The following USP43 variants were observed in gnomAD, a reference collection of about 807,000 sequenced individuals.
USP43 encodes ubiquitin carboxyl-terminal hydrolase 43.
Under a neutral mutation model 90.7 loss-of-function variants are expected in USP43, and 33 were observed. That is an observed-to-expected ratio of 0.36 (90% CI 0.28 to 0.49). USP43 has a LOEUF of 0.49. USP43 is among the 20% of genes least tolerant of loss of function. USP43 has a pLI of 0.98. For missense variants in USP43, 1,274 were observed against 1,476.4 expected (o/e 0.86, Z 2.25); for synonymous variants, 598 against 615.8 (o/e 0.97, Z 0.43).
chr17:9,673,815 T>C (rs1913596931), intron 3 of USP43, among the ~76,000 whole-genome samples: 1 of 152,186 alleles, frequency 6.6e-6, no homozygotes, highest in African/African-American at 2.4e-5. Flanking sequence ...GTAAATGGGT[T>C]CATCTATGCT....
In USP43 at chr17:9,674,963, T is replaced by C. The variant is rs560104715; in HGVS notation, c.813T>C (p.Pro271=). ...ATCCTTTCCTGTGTGTGTCCCTACCTATCCCCTTGCGCCAGACGAGGTACG... is the reference window on the plus strand; with the variant it reads ...ATCCTTTCCTGTGTGTGTCCCTACCCATCCCCTTGCGCCAGACGAGGTACG... ...TFDPFLCVSL[P]IPLRQTRFLS... is the part of the protein sequence containing the mutation. The change falls in exon 4 of 15, where the codon CCT becomes CCC. Residue 271 remains proline (P), a synonymous_variant. Coordinates refer to ENST00000285199, the MANE Select transcript of USP43 (RefSeq NM_153210.5). The surrounding 1 kb of genome is among the most constrained non-coding windows in gnomAD (Gnocchi z 4.4). 103 of 1,614,054 alleles carry C rather than the reference T, an allele frequency of 6.4e-5. No individual in the cohort carries two copies. The East Asian group carries it at 1.9e-3, about 30-fold the overall frequency.
chr17:9,666,867 A>T, intron 3 of USP43, 116 bp downstream of exon 3: 2 of 765,838 alleles, frequency 2.6e-6, no homozygotes, highest in Non-Finnish European at 4.5e-6. Context: ...AAAACCACAA[A>T]CACCCTTCTC....
chr17:9,719,655 C>T (rs1916817228), intron 14 of USP43, among the ~76,000 whole-genome samples: 1 of 152,220 alleles, frequency 6.6e-6, no homozygotes, highest in African/African-American at 2.4e-5. Context: ...ATTAGAGTCG[C>T]TTTCACATGG....
rs1206152299 is a variant in USP43, at chr17:9,676,774, T to G, written c.862T>G (p.Ser288Ala). Residue 288 changes from serine to alanine, a missense_variant, in exon 5 of 15, where the codon TCT becomes GCT. Physicochemically the swap from Ser to Ala is moderately conservative, Grantham distance 99 (BLOSUM62 1). Coordinates refer to ENST00000285199, the MANE Select transcript of USP43 (RefSeq NM_153210.5). The stretch of plus-strand genomic sequence containing the variant: ...CTTGAGTGTCACCTTGGTCTTCCCC[T>G]CTAAGAGCCAGCGGTTCCTGCGGGT... The part of the protein sequence containing the change: ...RFLSVTLVFP[S>A]KSQRFLRVGL... 1.9e-6 allele frequency: 3 copies of G among 1,613,908 alleles called. No individual in the cohort carries two copies. The highest frequency in any genetic ancestry group is 3.3e-5 in the Admixed American group (2 of 60,014).
At chr17:9,653,966 G>A (rs955870931) in intron 1 of USP43, among the ~76,000 whole-genome samples, 2 of 152,150 alleles carry the variant, frequency 1.3e-5, no homozygotes, top group Non-Finnish European at 2.9e-5. Flanking sequence ...TTGGGAACCA[G>A]CATCCAGAAT....
chr17:9,680,401 A>G (rs1914087812), intron 6 of USP43, 35 bp downstream of exon 6: 1 of 1,610,762 alleles, frequency 6.2e-7, no homozygotes, highest in African/African-American at 1.3e-5. Context: ...TTATTTGGCT[A>G]TGATGAGTTA....
Position 9,709,252 on chromosome 17 carries a change from T to C in USP43, c.2012-704T>C, listed in dbSNP as rs1052529694. On this transcript the variant is annotated intron_variant, in intron 12 of 14. Coordinates refer to ENST00000285199, the MANE Select transcript of USP43 (RefSeq NM_153210.5). The surrounding 1 kb of genome is among the most constrained non-coding windows in gnomAD (Gnocchi z 5.0). ...AGAAAGAGGTATGCCATAAGCCCAA[T>C]TGTGATTCTCATCTTCACTTTTATT... 1.3e-5 allele frequency among the ~76,000 whole-genome samples: 2 copies of C among 152,222 alleles called. No homozygotes were observed. The highest frequency in any genetic ancestry group is 2.9e-5 in the Non-Finnish European group (2 of 68,040).
At position 9,681,463 on chromosome 17, in the gene USP43, T is replaced by A. The variant is rs867680371; in HGVS notation, c.1105+1097T>A. 6.2e-3 allele frequency among the ~76,000 whole-genome samples: 120 copies of A among 19,450 alleles called. 5 individuals are homozygous for A. Among genetic ancestry groups the A allele is most frequent in the Non-Finnish European group, 0.022 (41 of 1,904 alleles). 12.8% of individuals were successfully genotyped at this position (19,450 alleles called of 152,430 possible). Reference sequence around the variant, plus strand: ...ATAGATAAATATATATAAAATATATTATATATATATATATATATATATATA... The same window carrying A: ...ATAGATAAATATATATAAAATATATAATATATATATATATATATATATATA... On this transcript the variant is annotated intron_variant, in intron 6 of 14. Transcript: ENST00000285199.
Position 9,682,850 on chromosome 17 carries a change from C to T in USP43, c.1133C>T (p.Pro378Leu). The T allele has an allele frequency of 1.2e-6, 2 of 1,614,016 alleles. No individual in the cohort carries two copies. Among genetic ancestry groups the T allele is most frequent in the Non-Finnish European group, 1.7e-6 (2 of 1,179,880 alleles). Residue 378 changes from proline to leucine, a missense_variant, in exon 7 of 15, where the codon CCA becomes CTA. By Grantham distance (98) the Pro-to-Leu change is moderately conservative. Coordinates refer to ENST00000285199, the MANE Select transcript of USP43 (RefSeq NM_153210.5). ...CATCCACTGGGTCTGTCGGCCTCCC[C>T]ACGCCTGGCAGCCCGTGAGGGCCAG... ...SAHPLGLSAS[P>L]RLAAREGQRF...
intron 2 of USP43, among the ~76,000 whole-genome samples, chr17:9,665,910 C>G (rs1913007689): frequency 6.6e-6 from 1 of 152,166 alleles, no homozygotes; most frequent in Non-Finnish European, 1.5e-5. Flanking sequence ...AGTCAAGGAA[C>G]AGACTCTCAT....
At chr17:9,653,894 C>G (rs1350225049) in intron 1 of USP43, among the ~76,000 whole-genome samples, 1 of 152,112 alleles carries the variant, frequency 6.6e-6, no homozygotes, top group South Asian at 2.1e-4. Context: ...TTGTCTGGGT[C>G]AGCTGTAGGT....
At chr17:9,724,860 T>C (rs1009129401) in intron 14 of USP43, among the ~76,000 whole-genome samples, 3 of 151,998 alleles carry the variant, frequency 2.0e-5, no homozygotes, top group Non-Finnish European at 2.9e-5. Context: ...AGCGGGTAGA[T>C]GTATGAAGCA....
chr17:9,682,633 T>A (rs1914359536), intron 6 of USP43, among the ~76,000 whole-genome samples, 190 bp from the exon 7 acceptor site: 1 of 152,148 alleles, frequency 6.6e-6, no homozygotes, highest in African/African-American at 2.4e-5. Context: ...ATTCTTGATG[T>A]TCGTATGCCA....
rs1180926957 is a variant in USP43, at chr17:9,680,211, A to C, written c.970-20A>C. 8.7e-6 allele frequency: 14 copies of C among 1,608,872 alleles called. No homozygotes were observed. The highest frequency in any genetic ancestry group is 1.3e-5 in the African/African-American group (1 of 74,840). The stretch of plus-strand genomic sequence containing the variant: ...TTCTCTTTCAGAAATCAAGAGGGAA[A>C]ATGATCTTTCTCATTTCAGGTGATC... On this transcript the variant is annotated intron_variant, in intron 5 of 14. Transcript: ENST00000285199.
chr17:9,676,937 C>T (rs1245900953), intron 5 of USP43, 56 bp downstream of exon 5: 7 of 1,586,258 alleles, frequency 4.4e-6, no homozygotes, highest in Non-Finnish European at 5.2e-6. Context: ...CTAACTGAGC[C>T]AGCTGTCTAG....
chr17:9,729,519 A>G lies in USP43; in HGVS notation c.*529A>G, dbSNP rs908235214. 1.3e-5 allele frequency: 2 copies of G among 151,774 alleles called. No individual in the cohort carries two copies. Among genetic ancestry groups the G allele is most frequent in the South Asian group, 2.1e-4 (1 of 4,824 alleles). 9.4% of individuals were successfully genotyped at this position (151,774 alleles called of 1,614,324 possible). ...TAAGGCAAGATTCTAGCAAAGAGAG[A>G]TGGGAGATAAATGGCTGAGAGTTCA... is the stretch of plus-strand genomic sequence containing the variant. On this transcript the variant is annotated 3_prime_UTR_variant, in exon 15 of 15. Coordinates refer to ENST00000285199, the MANE Select transcript of USP43 (RefSeq NM_153210.5).
In USP43 at chr17:9,681,462, T is replaced by TTTTATATATA. The variant is rs1491455898; in HGVS notation, c.1105+1097_1105+1098insTTATATATAT. Among the ~76,000 whole-genome samples, 137 of 18,572 alleles carry TTTTATATATA rather than the reference T, an allele frequency of 7.4e-3. 4 individuals are homozygous for TTTTATATATA. The highest frequency in any genetic ancestry group is 0.024 in the African/African-American group (90 of 3,822). The allele number at this position is 18,572 out of a possible 152,430, so 12.2% of individuals were successfully genotyped here. A position where few individuals can be genotyped will look rare whatever the true frequency, so the allele number is the denominator to read the frequency against. On this transcript the variant is annotated intron_variant, in intron 6 of 14. Transcript: ENST00000285199. ...TATAGATAAATATATATAAAATATA[T>TTTTATATATA]TATATATATATATATATATATATAT...
At chr17:9,716,019 G>A (rs1300498475) in intron 14 of USP43, among the ~76,000 whole-genome samples, 1 of 151,372 alleles carries the variant, frequency 6.6e-6, no homozygotes, top group Admixed American at 6.6e-5. Context: ...GTGTGTGTAT[G>A]TGTCTGTGTA....
In USP43 at chr17:9,728,863, G is replaced by T. The variant is rs1917428034; in HGVS notation, c.3245G>T (p.Gly1082Val). 7 of 1,613,988 alleles carry T rather than the reference G, an allele frequency of 4.3e-6. No homozygotes were observed. Among genetic ancestry groups the T allele is most frequent in the Non-Finnish European group, 5.9e-6 (7 of 1,179,880 alleles). Residue 1082 changes from glycine (G) to valine (V), a missense_variant, in exon 15 of 15, where the codon GGC becomes GTC. Around this residue, in one of 6 missense-constraint regions of USP43, gnomAD observed 353 missense variants for 329.7 expected, o/e 1.07. Coordinates refer to ENST00000285199, the MANE Select transcript of USP43 (RefSeq NM_153210.5). This position sits in a 1 kb window ranked among gnomAD's most constrained non-coding sequence, Gnocchi z 6.2. Reference sequence around the variant, plus strand: ...CGTAAAGCCAGCAGGGCCCCGAGAGGCAGTGCACTGGGCATGTCACAAAGG... The same window carrying T: ...CGTAAAGCCAGCAGGGCCCCGAGAGTCAGTGCACTGGGCATGTCACAAAGG... ...LPRKASRAPR[G>V]SALGMSQRTV...
Sources: allele counts gnomAD v4.1 joint callset (sites outside exome capture counted in the v4.1 genomes callset), GRCh38; gene constraint gnomAD v4.1.1; regional missense constraint gnomAD v4.1.1; non-coding constraint Gnocchi (gnomAD v3.1); transcripts MANE v1.5; gene names NCBI Gene and HGNC (gene_info 2026-07-23, HGNC 2026-07-21).